PDZD9: variants seen among roughly 807,000 people sequenced by gnomAD.
PDZD9 encodes the protein PDZ domain containing 9.
PDZD9 carries 13 observed loss-of-function variants against 16.3 expected under a neutral mutation model. The ratio of observed to expected loss-of-function variants is 0.80; its 90% CI spans 0.52 to 1.27. The LOEUF (loss-of-function observed/expected upper bound fraction) is 1.27, where lower values mean the gene tolerates loss of function less well. PDZD9 is among the 50% of genes most tolerant of loss of function. The pLI, the probability that PDZD9 is intolerant of heterozygous loss-of-function variation, is 0.00. For synonymous variants in PDZD9, 120 were observed against 111.0 expected (o/e 1.08, Z -0.51); for missense variants, 288 against 310.9 (o/e 0.93, Z 0.55).
chr16:21,975,761 G>GT, the PDZD9 span, among the ~76,000 whole-genome samples: 1 of 152,146 alleles, frequency 6.6e-6, no homozygotes, highest in Non-Finnish European at 1.5e-5. Flanking sequence ...GTCTGGGGAA[G>GT]TTTTAAAGGT....
chr16:21,961,626 T>TTATATATATATATATATATATATA, the PDZD9 span, among the ~76,000 whole-genome samples: 7 of 64,476 alleles, frequency 1.1e-4, no homozygotes, highest in South Asian at 5.0e-4. Flanking sequence ...AACATAAAAT[T>TTATATATATATATATATATATATA]TATATATATA....
At position 21,984,613 on chromosome 16, in the gene PDZD9, C is replaced by T; in HGVS notation, c.449G>A (p.Ser150Asn). The change falls in exon 4 of 4, where the codon AGT becomes AAT. Residue 150 changes from serine to asparagine, a missense_variant. Ser to Asn is a conservative substitution (Grantham distance 46). Transcript: ENST00000424898. ...TAAATCTACATTTTCATTATCATCA[C>T]TGCTTGTGAAAGATTCATCTTTTGC... Reference protein sequence around the residue: ...ELAKDESFTSSDDNENVDLDK... With the variant: ...ELAKDESFTSNDDNENVDLDK... 2 of 1,536,112 alleles carry T rather than the reference C, an allele frequency of 1.3e-6. No homozygotes were observed. The highest frequency in any genetic ancestry group is 2.3e-5 in the East Asian group (1 of 43,702).
the PDZD9 span, among the ~76,000 whole-genome samples, chr16:21,975,023 G>A: frequency 6.6e-6 from 1 of 151,940 alleles, no homozygotes; most frequent in Non-Finnish European, 1.5e-5. Context: ...CTTGAAATCA[G>A]CGACCACAAA....
chr16:21,983,849 ATAAC>A (rs1898798249), downstream of PDZD9: 1 of 154,946 alleles, frequency 6.5e-6, no homozygotes, highest in Non-Finnish European at 1.4e-5. Context: ...TCTAATGTGA[ATAAC>A]TAGCCAAAGA....
downstream of PDZD9, among the ~76,000 whole-genome samples, chr16:21,979,814 A>C (rs2080711891): frequency 6.6e-6 from 1 of 152,168 alleles, no homozygotes. Context: ...GGAATCTTTC[A>C]GCTCCCTAAT....
chr16:21,962,547 C>T, the PDZD9 span: 6 of 1,613,720 alleles, frequency 3.7e-6, no homozygotes, highest in Non-Finnish European at 5.1e-6. Flanking sequence ...AGGACTTCTG[C>T]TTTGAAAGAA....
intron 2 of PDZD9, among the ~76,000 whole-genome samples, chr16:21,994,150 C>G (rs528299907): frequency 6.6e-6 from 1 of 152,342 alleles, no homozygotes; most frequent in African/African-American, 2.4e-5. Flanking sequence ...GAGCCATGAT[C>G]AAGCCACTGC....
Position 21,984,213 on chromosome 16 carries a change from G to A in PDZD9, c.*54C>T, listed in dbSNP as rs1898809552. On this transcript the variant is annotated 3_prime_UTR_variant, in exon 4 of 4. Transcript: ENST00000424898. ...TAAGTACAGCAAACTTGTGCCTGGT[G>A]AGGCACAAAACTTGGGTGTCTGCAA... 2 of 1,539,450 alleles carry A rather than the reference G, an allele frequency of 1.3e-6. No individual in the cohort carries two copies. Among genetic ancestry groups the A allele is most frequent in the Non-Finnish European group, 1.8e-6 (2 of 1,138,632 alleles).
intron 2 of PDZD9, among the ~76,000 whole-genome samples, chr16:21,991,435 T>TG (rs1306482718): frequency 6.6e-6 from 1 of 152,094 alleles, no homozygotes; most frequent in African/African-American, 2.4e-5. Flanking sequence ...AATGGGGTTT[T>TG]GTCATGTTGC....
rs934860506 is a variant in PDZD9 at position 21,996,302 on chromosome 16, C to T, written c.211+20G>A. The T allele has an allele frequency of 6.5e-6, 10 of 1,529,858 alleles. No individual in the cohort carries two copies. The highest frequency in any genetic ancestry group is 1.4e-5 in the African/African-American group (1 of 72,900). The allele number at this position is 1,529,858 out of a possible 1,614,324, so 94.8% of individuals were successfully genotyped here. A position where few individuals can be genotyped will look rare whatever the true frequency, so the allele number is the denominator to read the frequency against. ...ATGGGCAGGATGGGTGGTTGGGAAG[C>T]ATGGCGAAAGGGCAATCACCTGGCT... is the stretch of plus-strand genomic sequence containing the variant. On this transcript the variant is annotated intron_variant, in intron 2 of 3. Coordinates refer to ENST00000424898, the MANE Select transcript of PDZD9 (RefSeq NM_001363519.1).
chr16:21,971,611 T>G, the PDZD9 span: 3 of 1,614,006 alleles, frequency 1.9e-6, no homozygotes, highest in Non-Finnish European at 2.5e-6. Flanking sequence ...AAAGGCCAAC[T>G]ACCGTGGAGG....
chr16:21,983,182 C>A (rs757803485), downstream of PDZD9: 245 of 1,611,306 alleles, frequency 1.5e-4, no homozygotes, highest in Non-Finnish European at 1.9e-4. Flanking sequence ...TACTGATGCA[C>A]ACATTACAGG....
At chr16:21,965,454 T>C in the PDZD9 span, 1 of 1,614,004 alleles carries the variant, frequency 6.2e-7, no homozygotes, top group Non-Finnish European at 8.5e-7. Flanking sequence ...ATGCCTTGGC[T>C]AATCCCTTGT....
chr16:21,990,070 C>G (rs572851357), intron 2 of PDZD9, among the ~76,000 whole-genome samples: 7 of 152,170 alleles, frequency 4.6e-5, no homozygotes, highest in Admixed American at 1.3e-4. Context: ...GCTTCTCCAG[C>G]CTTTTGGGAG....
the PDZD9 span, among the ~76,000 whole-genome samples, chr16:21,972,800 A>C: frequency 6.6e-6 from 1 of 152,166 alleles, no homozygotes; most frequent in African/African-American, 2.4e-5. Flanking sequence ...CAGAATTATA[A>C]TTAAAGAAAT....
At chr16:21,975,573 C>T in the PDZD9 span, among the ~76,000 whole-genome samples, 2 of 152,210 alleles carry the variant, frequency 1.3e-5, no homozygotes, top group Non-Finnish European at 2.9e-5. Context: ...CAAGTACCCA[C>T]ATCCCCGGAA....
Position 21,984,360 on chromosome 16 carries a change from G to C in PDZD9, c.702C>G (p.Ser234=). ...IMVKQDNESS[S]SSTSSTSDAF... is the part of the protein sequence containing the mutation. ...CATCTGAGGTAGAGGAGGTAGAGGA[G>C]GAAGAGCTTTCATTGTCTTGCTTCA... The change falls in exon 4 of 4, where the codon TCC becomes TCG. Residue 234 remains serine, a synonymous_variant. Coordinates refer to ENST00000424898, the MANE Select transcript of PDZD9 (RefSeq NM_001363519.1). 1 of 1,614,142 alleles carries C rather than the reference G, an allele frequency of 6.2e-7. No individual in the cohort carries two copies. The highest frequency in any genetic ancestry group is 1.3e-5 in the African/African-American group (1 of 75,042).
In PDZD9 at chr16:21,991,086, A is replaced by T. The variant is rs566021993; in HGVS notation, c.212-2295T>A. ...CTCCCAACTAGGCTGGAAGTTCCTTAAGTTCCTCAAGGCTAAGGACCATGT... is the reference window on the plus strand; with the variant it reads ...CTCCCAACTAGGCTGGAAGTTCCTTTAGTTCCTCAAGGCTAAGGACCATGT... On this transcript the variant is annotated intron_variant, in intron 2 of 3. Transcript: ENST00000424898. Among the ~76,000 whole-genome samples the T allele has an allele frequency of 5.9e-5, 9 of 152,224 alleles. No individual in the cohort carries two copies. In the South Asian group the frequency reaches 1.5e-3, roughly 25 times the overall value.
At chr16:21,974,847 T>C in the PDZD9 span, among the ~76,000 whole-genome samples, 3 of 152,176 alleles carry the variant, frequency 2.0e-5, no homozygotes, top group Non-Finnish European at 2.9e-5. Context: ...GACAGGCTAA[T>C]ATTGGAAGAT....
Sources: allele counts gnomAD v4.1 joint callset (sites outside exome capture counted in the v4.1 genomes callset), GRCh38; gene constraint gnomAD v4.1.1; transcripts MANE v1.5; gene names NCBI Gene and HGNC (gene_info 2026-07-23, HGNC 2026-07-21).